Variants in POC1B observed in about 807,000 individuals in gnomAD.
POC1B encodes the protein POC1 centriolar protein B, also known as POC1 centriolar protein homolog B.
In POC1B, 44 loss-of-function variants were observed where a neutral mutation model predicts 60.6. The observed-to-expected ratio is 0.73, with a 90% CI of 0.57 to 0.93. The LOEUF is 0.93. Among genes scored for constraint, POC1B ranks in the 40% least tolerant of loss-of-function variants. The pLI is 0.00. For missense variants in POC1B, 555 were observed against 572.3 expected, an observed-to-expected ratio of 0.97 and a Z score of 0.31; for synonymous variants, 180 against 198.9, an observed-to-expected ratio of 0.90 and a Z score of 0.80.
At chr12:89,505,399 A>T (rs1592635524) in intron 2 of POC1B, among the ~76,000 whole-genome samples, 1 of 152,396 alleles carries the variant, frequency 6.6e-6, no homozygotes, top group Non-Finnish European at 1.5e-5. Flanking sequence ...TATTCACAAT[A>T]GATCAAAGCT....
rs772256236 is a variant in POC1B at position 89,523,447 on chromosome 12, G to A, written c.100+1673C>T. Reference sequence around the variant, plus strand: ...TAGGAAATTGGGGCGAGCATATGGTGCCCGCTTGGGGAACACATGGCCCAC... The same window carrying A: ...TAGGAAATTGGGGCGAGCATATGGTACCCGCTTGGGGAACACATGGCCCAC... On this transcript the variant is annotated intron_variant, in intron 2 of 11. Coordinates refer to ENST00000313546, the MANE Select transcript of POC1B (RefSeq NM_172240.3). 3.1e-6 allele frequency: 5 copies of A among 1,614,050 alleles called. No homozygotes were observed. The South Asian group carries it at 3.3e-5, about 11-fold the overall frequency.
chr12:89,403,048 C>G, the POC1B span, among the ~76,000 whole-genome samples: 2 of 150,946 alleles, frequency 1.3e-5, no homozygotes, highest in Admixed American at 1.3e-4. Flanking sequence ...TACTCTGTCA[C>G]CCAGGCTGGA....
In POC1B at chr12:89,434,090, T is replaced by C. The variant is rs529122647; in HGVS notation, c.1114-8711A>G. ...ATCAAGTCTGATTGACTTAAAAGTA[T>C]GACTAGGATATAATCAAAAAATGTC... On this transcript the variant is annotated intron_variant, in intron 10 of 11. Transcript: ENST00000313546. 2.3e-4 allele frequency among the ~76,000 whole-genome samples: 35 copies of C among 152,362 alleles called. No homozygotes were observed. The South Asian group carries it at 2.5e-3, about 11-fold the overall frequency.
chr12:89,463,938 A>AT (rs1882575225), intron 9 of POC1B, among the ~76,000 whole-genome samples: 1 of 152,238 alleles, frequency 6.6e-6, no homozygotes, highest in African/African-American at 2.4e-5. Flanking sequence ...GCAAAAGGCC[A>AT]AACTATTTTA....
chr12:89,499,950 C>T lies in POC1B; in HGVS notation c.101-2608G>A, dbSNP rs570386324. ...CACGCCTTCCAGATCGCAGCTCTTGCGGCGGCCATCGCCTTCGACTTAAGG... is the reference window on the plus strand; with the variant it reads ...CACGCCTTCCAGATCGCAGCTCTTGTGGCGGCCATCGCCTTCGACTTAAGG... On this transcript the variant is annotated intron_variant, in intron 2 of 11. Coordinates refer to ENST00000313546, the MANE Select transcript of POC1B (RefSeq NM_172240.3). 125 of 610,582 alleles carry T rather than the reference C, an allele frequency of 2.0e-4. 1 individual carries two copies. Among genetic ancestry groups the T allele is most frequent in the African/African-American group, 1.7e-3 (93 of 54,058 alleles). The allele number at this position is 610,582 out of a possible 1,614,324, so 37.8% of individuals were successfully genotyped here. A position where few individuals can be genotyped will look rare whatever the true frequency, so the allele number is the denominator to read the frequency against.
chr12:89,404,573 A>T, the POC1B span, among the ~76,000 whole-genome samples: 1 of 152,166 alleles, frequency 6.6e-6, no homozygotes, highest in Non-Finnish European at 1.5e-5. Flanking sequence ...CAGCTTACCT[A>T]TAATTTCAAT....
chr12:89,500,789 TA>T (rs1224102587), intron 2 of POC1B: 9 of 1,015,182 alleles, frequency 8.9e-6, no homozygotes, highest in African/African-American at 8.1e-5. Context: ...ATAAAGAGGA[TA>T]AAACATCAGA....
At chr12:89,489,715 C>T (rs139929331) in intron 4 of POC1B, among the ~76,000 whole-genome samples, 75 of 152,320 alleles carry the variant, frequency 4.9e-4, no homozygotes, top group African/African-American at 1.8e-3. Context: ...AGGCACAAAG[C>T]AGGATGGCTA....
chr12:89,472,588 C>T (rs1882941474), intron 4 of POC1B: 1 of 200,528 alleles, frequency 5.0e-6, no homozygotes, highest in Non-Finnish European at 1.0e-5. Flanking sequence ...CACTCTAAGC[C>T]AAGTGCCTTG....
At chr12:89,472,849 A>G (rs981722829) in intron 4 of POC1B, among the ~76,000 whole-genome samples, 1 of 152,244 alleles carries the variant, frequency 6.6e-6, no homozygotes. Flanking sequence ...TCATTTATAC[A>G]GAACAGAACA....
intron 2 of POC1B, chr12:89,501,987 GA>G: frequency 2.1e-6 from 2 of 969,244 alleles, no homozygotes; most frequent in South Asian, 1.3e-5. Context: ...TGGCTAAGAG[GA>G]AAAATCTGGA....
At chr12:89,470,007 G>A (rs1484180981) in intron 7 of POC1B, among the ~76,000 whole-genome samples, 1 of 151,868 alleles carries the variant, frequency 6.6e-6, no homozygotes, top group Non-Finnish European at 1.5e-5. Context: ...AAGTAGCTTG[G>A]ATTACAGGCA....
chr12:89,433,252 A>T (rs1881114670), intron 10 of POC1B, among the ~76,000 whole-genome samples: 1 of 152,200 alleles, frequency 6.6e-6, no homozygotes, highest in Non-Finnish European at 1.5e-5. Context: ...TGAGGTTTTC[A>T]TTTATAAAGA....
chr12:89,487,515 C>T (rs988015498), intron 4 of POC1B, among the ~76,000 whole-genome samples: 8 of 152,160 alleles, frequency 5.3e-5, no homozygotes, highest in African/African-American at 1.9e-4. Flanking sequence ...TACTTCTTAT[C>T]CTCAGTCCAG....
At chr12:89,454,889 A>C (rs1162074541) in intron 10 of POC1B, among the ~76,000 whole-genome samples, 2 of 152,210 alleles carry the variant, frequency 1.3e-5, no homozygotes, top group African/African-American at 4.8e-5. Flanking sequence ...ATACTTATTC[A>C]GAGACATGTA....
At chr12:89,446,364 C>T (rs1364623542) in intron 10 of POC1B, among the ~76,000 whole-genome samples, 1 of 152,152 alleles carries the variant, frequency 6.6e-6, no homozygotes, top group Non-Finnish European at 1.5e-5. Context: ...AAATGTCCAA[C>T]AACAATAGAC....
chr12:89,405,213 A>C, the POC1B span, among the ~76,000 whole-genome samples: 1 of 152,238 alleles, frequency 6.6e-6, no homozygotes, highest in Non-Finnish European at 1.5e-5. Context: ...TGATGGAAGG[A>C]AATTCTCTTG....
At chr12:89,466,175 T>C (rs1393012807) in intron 9 of POC1B, among the ~76,000 whole-genome samples, 1 of 152,202 alleles carries the variant, frequency 6.6e-6, no homozygotes, top group Non-Finnish European at 1.5e-5. Flanking sequence ...CAGCTAAGCA[T>C]CTAGCAAAGA....
At chr12:89,459,181 T>C (rs115425045) in intron 10 of POC1B, among the ~76,000 whole-genome samples, 2,310 of 151,586 alleles carry the variant, frequency 0.015, 64 homozygotes, top group African/African-American at 0.053. Flanking sequence ...AGACAGTGGG[T>C]ATGGATTAGA....
Sources: allele counts gnomAD v4.1 joint callset (sites outside exome capture counted in the v4.1 genomes callset), GRCh38; gene constraint gnomAD v4.1.1; transcripts MANE v1.5; gene names NCBI Gene and HGNC (gene_info 2026-07-23, HGNC 2026-07-21).